KHDRBS2: variants seen among roughly 807,000 people sequenced by gnomAD.
KHDRBS2 encodes the protein KH domain-containing, RNA-binding, signal transduction-associated protein 2.
In KHDRBS2, 26 loss-of-function variants were observed where a neutral mutation model predicts 44.3. That is an observed-to-expected ratio of 0.59 (90% confidence interval 0.43 to 0.81). The LOEUF (loss-of-function observed/expected upper bound fraction) is 0.81. KHDRBS2 is among the 40% of genes least tolerant of loss of function. The pLI is 0.00. For missense variants in KHDRBS2, 476 were observed against 433.1 expected (o/e 1.10, Z -0.88); for synonymous variants, 194 against 151.1 (o/e 1.28, Z -2.08).
chr6:61,826,174 C>G (rs1223766938), intron 6 of KHDRBS2, among the ~76,000 whole-genome samples: 3 of 152,046 alleles, frequency 2.0e-5, no homozygotes, highest in African/African-American at 7.2e-5. Context: ...GTTTTATGGG[C>G]ATATTTTAGG....
At chr6:62,007,608 G>C (rs867556269) in intron 3 of KHDRBS2, among the ~76,000 whole-genome samples, 3 of 151,938 alleles carry the variant, frequency 2.0e-5, no homozygotes, top group Admixed American at 6.6e-5. Context: ...TTAATATTCT[G>C]AAGAAAACCA....
intron 3 of KHDRBS2, among the ~76,000 whole-genome samples, chr6:61,990,539 G>T (rs1428238775): frequency 6.6e-6 from 1 of 152,008 alleles, no homozygotes; most frequent in Non-Finnish European, 1.5e-5. Context: ...GCTTCTAGAA[G>T]TAGAACTACA....
the KHDRBS2 span, among the ~76,000 whole-genome samples, chr6:61,544,513 T>A: frequency 6.6e-6 from 1 of 152,150 alleles, no homozygotes; most frequent in African/African-American, 2.4e-5. Context: ...AGCAATCTTT[T>A]GTTTAAAATG....
intron 6 of KHDRBS2, among the ~76,000 whole-genome samples, chr6:61,845,108 T>G (rs1794184784): frequency 6.6e-6 from 1 of 152,190 alleles, no homozygotes; most frequent in African/African-American, 2.4e-5. Flanking sequence ...ATATTTTGTT[T>G]CGGAATTATT....
chr6:61,809,796 T>C lies in KHDRBS2; in HGVS notation c.811-77032A>G, dbSNP rs563862731. On this transcript the variant is annotated intron_variant, in intron 6 of 8. Coordinates refer to ENST00000281156, the MANE Select transcript of KHDRBS2 (RefSeq NM_152688.4). ...CAAGGCTATGAATAAATATTGCAGT[T>C]TTTATACTGTAGCAAGGATTTAGCT... Among the ~76,000 whole-genome samples the C allele has an allele frequency of 2.0e-5, 3 of 152,278 alleles. No individual in the cohort carries two copies. The East Asian group carries it at 5.8e-4, about 29-fold the overall frequency.
chr6:62,040,797 A>G (rs1273580623), intron 3 of KHDRBS2, among the ~76,000 whole-genome samples: 1 of 152,072 alleles, frequency 6.6e-6, no homozygotes, highest in African/African-American at 2.4e-5. Context: ...GCTTCTTCCA[A>G]TGTAGCCCCC....
intron 4 of KHDRBS2, among the ~76,000 whole-genome samples, chr6:61,945,106 A>ATATATATATGT (rs1812975233): frequency 4.8e-5 from 3 of 62,854 alleles, no homozygotes; most frequent in African/African-American, 2.4e-4. Flanking sequence ...AAAAAAAAAA[A>ATATATATATGT]AAAAAAGTAT....
At chr6:61,977,906 G>A (rs1773027015) in intron 4 of KHDRBS2, among the ~76,000 whole-genome samples, 160 bp downstream of exon 4, 1 of 152,142 alleles carries the variant, frequency 6.6e-6, no homozygotes, top group Admixed American at 6.6e-5. Context: ...GTGTTAAGTG[G>A]TTTTGGTATC....
intron 6 of KHDRBS2, among the ~76,000 whole-genome samples, chr6:61,868,374 C>T (rs1211660911): frequency 6.6e-6 from 1 of 152,224 alleles, no homozygotes; most frequent in Admixed American, 6.5e-5. Context: ...AATAAGAACT[C>T]TGTCAGCCTA....
chr6:62,003,389 T>G (rs981065117), intron 3 of KHDRBS2, among the ~76,000 whole-genome samples: 5 of 152,182 alleles, frequency 3.3e-5, no homozygotes, highest in African/African-American at 1.2e-4. Flanking sequence ...AATGTAATTC[T>G]TGTTAGCTAA....
At chr6:61,704,259 C>T (rs1769132895) in intron 7 of KHDRBS2, among the ~76,000 whole-genome samples, 1 of 151,742 alleles carries the variant, frequency 6.6e-6, no homozygotes, top group Admixed American at 6.6e-5. Context: ...AAACACTAAA[C>T]AACAAATAAA....
chr6:62,243,604 CAAA>C (rs11306947), intron 1 of KHDRBS2, among the ~76,000 whole-genome samples: 1 of 116,518 alleles, frequency 8.6e-6, no homozygotes, highest in African/African-American at 2.7e-5. Flanking sequence ...CATACCTATA[CAAA>C]AAAAAAAAAA....
chr6:62,032,803 A>G (rs1784596563), intron 3 of KHDRBS2, among the ~76,000 whole-genome samples: 1 of 151,944 alleles, frequency 6.6e-6, no homozygotes, highest in African/African-American at 2.4e-5. Context: ...CAATGCCCAG[A>G]CACCAAAGAA....
At chr6:61,809,793 A>T (rs1787810239) in intron 6 of KHDRBS2, among the ~76,000 whole-genome samples, 1 of 152,176 alleles carries the variant, frequency 6.6e-6, no homozygotes, top group Admixed American at 6.6e-5. Context: ...TAAATATTGC[A>T]GTTTTTATAC....
intron 3 of KHDRBS2, among the ~76,000 whole-genome samples, chr6:61,998,131 A>G (rs1260510784): frequency 1.3e-5 from 2 of 152,200 alleles, no homozygotes; most frequent in Admixed American, 1.3e-4. Flanking sequence ...TTTTAAATAC[A>G]TTTAGTTAAA....
chr6:61,701,011 T>G (rs1007832098), intron 7 of KHDRBS2, among the ~76,000 whole-genome samples: 2 of 151,820 alleles, frequency 1.3e-5, no homozygotes, highest in African/African-American at 4.8e-5. Context: ...GAATTACCAT[T>G]TATATCCCAA....
At chr6:62,007,592 G>T (rs952066229) in intron 3 of KHDRBS2, among the ~76,000 whole-genome samples, 2 of 152,006 alleles carry the variant, frequency 1.3e-5, no homozygotes, top group African/African-American at 4.8e-5. Flanking sequence ...GAAACTAAAT[G>T]TATAATTAAT....
the KHDRBS2 span, among the ~76,000 whole-genome samples, chr6:61,617,796 C>T: frequency 4.3e-4 from 65 of 152,034 alleles, no homozygotes; most frequent in African/African-American, 1.4e-3. Flanking sequence ...TTGCCTATGT[C>T]GAGGCACTAG....
At chr6:62,258,623 A>G (rs1837818679) in intron 1 of KHDRBS2, among the ~76,000 whole-genome samples, 1 of 152,028 alleles carries the variant, frequency 6.6e-6, no homozygotes, top group Non-Finnish European at 1.5e-5. Context: ...TAAAACATAT[A>G]AAATAACATT....
Sources: allele counts gnomAD v4.1 joint callset (sites outside exome capture counted in the v4.1 genomes callset), GRCh38; gene constraint gnomAD v4.1.1; transcripts MANE v1.5; gene names NCBI Gene and HGNC (gene_info 2026-07-23, HGNC 2026-07-21).